PNPLA8: variants seen among roughly 807,000 people sequenced by gnomAD.
The protein encoded by PNPLA8 is patatin like domain 8, phospholipase A2.
PNPLA8 carries 39 observed loss-of-function variants against 76.9 expected under a neutral mutation model. The ratio of observed to expected loss-of-function variants is 0.51; its 90% CI spans 0.39 to 0.66. The LOEUF is 0.66. Among genes scored for constraint, PNPLA8 ranks in the 30% least tolerant of loss-of-function variants. The probability of loss-of-function intolerance (pLI) is 0.00; values close to 1 mark genes in which losing one functional copy is unlikely to be tolerated. For missense variants in PNPLA8, 887 were observed against 918.0 expected (o/e 0.97, Z 0.44); for synonymous variants, 301 against 307.9 (o/e 0.98, Z 0.24).
At chr7:108,479,077 C>T (rs563427414) in intron 10 of PNPLA8, 107 bp downstream of exon 10, 2 of 702,978 alleles carry the variant, frequency 2.8e-6, no homozygotes, top group African/African-American at 1.8e-5. Flanking sequence ...CCTAAATCCA[C>T]AATACAGACA....
At chr7:108,507,827 T>C (rs1862572006) in intron 4 of PNPLA8, among the ~76,000 whole-genome samples, 2 of 151,452 alleles carry the variant, frequency 1.3e-5, no homozygotes, top group African/African-American at 2.4e-5. Context: ...TTATCCACCA[T>C]GATCAAGTGG....
At chr7:108,511,853 T>C (rs1862957770) in intron 4 of PNPLA8, among the ~76,000 whole-genome samples, 1 of 152,200 alleles carries the variant, frequency 6.6e-6, no homozygotes, top group Admixed American at 6.5e-5. Flanking sequence ...TGAGTTTATT[T>C]TGGTATATAT....
chr7:108,496,399 A>G (rs895180127), intron 7 of PNPLA8, 185 bp downstream of exon 7: 1 of 439,984 alleles, frequency 2.3e-6, no homozygotes. Flanking sequence ...CAAAACAATT[A>G]CTAAACTATG....
At chr7:108,506,273 G>T (rs1348798051) in intron 4 of PNPLA8, among the ~76,000 whole-genome samples, 2 of 152,126 alleles carry the variant, frequency 1.3e-5, no homozygotes, top group African/African-American at 4.8e-5. Context: ...AGCTACTCGG[G>T]AGGCTGAGGC....
chr7:108,477,000 G>A (rs1860045685), intron 10 of PNPLA8, among the ~76,000 whole-genome samples: 1 of 152,208 alleles, frequency 6.6e-6, no homozygotes, highest in African/African-American at 2.4e-5. Context: ...GAAATGGAGA[G>A]ATGTTGGTCA....
intron 6 of PNPLA8, 90 bp downstream of exon 6, chr7:108,497,393 G>T: frequency 1.2e-6 from 1 of 853,960 alleles, no homozygotes; most frequent in Non-Finnish European, 1.8e-6. Context: ...GCTGAAGAAG[G>T]CAAAGGACTA....
chr7:108,526,170 G>A (rs1194492240), upstream of PNPLA8: 10 of 789,856 alleles, frequency 1.3e-5, no homozygotes, highest in Non-Finnish European at 1.5e-5. Context: ...ACTCAGCCCC[G>A]CCCCGCTCCG....
rs770314806 is a variant in PNPLA8, at chr7:108,515,425, TCC to T, written c.65_66del (p.Gly22GlufsTer14). 1.7e-5 allele frequency: 27 copies of T among 1,609,098 alleles called. 1 individual carries two copies. Among genetic ancestry groups the T allele is most frequent in the Non-Finnish European group, 2.2e-5 (26 of 1,177,960 alleles). On this transcript the variant is annotated frameshift_variant, in exon 3 of 11. Transcript: ENST00000257694. LOFTEE classifies it high-confidence loss of function. Reference sequence around the variant, plus strand: ...AAATACAGTTGCTTGCTTCTCTGCTTCCCACAAACACTTCTTGCATTACTAAG... The same window carrying T: ...AAATACAGTTGCTTGCTTCTCTGCTTCACAAACACTTCTTGCATTACTAAG... The part of the protein sequence containing the change: ...YLLSNARSVC[G>X]KQRSKQLYFL...
At chr7:108,488,106 C>G (rs985169381) in intron 8 of PNPLA8, among the ~76,000 whole-genome samples, 153 bp from the exon 9 acceptor site, 1 of 152,014 alleles carries the variant, frequency 6.6e-6, no homozygotes, top group Non-Finnish European at 1.5e-5. Context: ...TCTTTTTAAA[C>G]AGGCATTTCT....
intron 9 of PNPLA8, among the ~76,000 whole-genome samples, chr7:108,486,434 A>G (rs1210366356): frequency 6.6e-6 from 1 of 152,130 alleles, no homozygotes; most frequent in Non-Finnish European, 1.5e-5. Context: ...AAGTCCTGAA[A>G]TCAGTATCAG....
upstream of PNPLA8, among the ~76,000 whole-genome samples, chr7:108,527,135 A>G (rs965081994): frequency 6.6e-6 from 1 of 152,212 alleles, no homozygotes. Flanking sequence ...ATCAAGACTT[A>G]TACTGTACTC....
At chr7:108,502,046 T>C (rs1471299544) in intron 5 of PNPLA8, among the ~76,000 whole-genome samples, 1 of 152,142 alleles carries the variant, frequency 6.6e-6, no homozygotes, top group East Asian at 1.9e-4. Flanking sequence ...TAATAAAGTA[T>C]TAATTAAAAC....
rs59607592 is a variant in PNPLA8, at chr7:108,525,361, T to C, written c.-130+668A>G. ...TTGAAAACAGTATTTTAAGCAGGAT[T>C]ATATGATAGTCCCTTATGTCACAAC... On this transcript the variant is annotated intron_variant, in intron 1 of 10. Transcript: ENST00000257694. 7.3e-3 allele frequency among the ~76,000 whole-genome samples: 1,110 copies of C among 152,346 alleles called. 9 individuals are homozygous for C. The highest frequency in any genetic ancestry group is 0.026 in the African/African-American group (1,070 of 41,572).
chr7:108,527,768 T>C (rs1864143207), upstream of PNPLA8: 1 of 152,090 alleles, frequency 6.6e-6, no homozygotes, highest in South Asian at 2.1e-4. Context: ...TAGGAGATAC[T>C]CTCTAAACTG....
upstream of PNPLA8, among the ~76,000 whole-genome samples, chr7:108,526,868 T>A: frequency 6.6e-6 from 1 of 152,336 alleles, no homozygotes; most frequent in East Asian, 1.9e-4. Context: ...TAAAAATGGG[T>A]TTCACATTTT....
intron 5 of PNPLA8, among the ~76,000 whole-genome samples, chr7:108,501,461 A>ATAGC (rs1170155828): frequency 5.9e-5 from 9 of 152,364 alleles, no homozygotes; most frequent in African/African-American, 2.2e-4. Context: ...GGAAGTTAAT[A>ATAGC]TAGCCTCATT....
chr7:108,518,852 G>C (rs1191204709), intron 2 of PNPLA8, among the ~76,000 whole-genome samples: 1 of 150,892 alleles, frequency 6.6e-6, no homozygotes, highest in African/African-American at 2.4e-5. Context: ...TACACATATT[G>C]ATTCTGAAAG....
At chr7:108,498,568 C>T (rs915482238) in intron 5 of PNPLA8, among the ~76,000 whole-genome samples, 7 of 151,930 alleles carry the variant, frequency 4.6e-5, no homozygotes, top group African/African-American at 1.7e-4. Flanking sequence ...CCACTGCACC[C>T]GGCCACCAGT....
chr7:108,513,184 T>C (rs1863061225), intron 4 of PNPLA8, among the ~76,000 whole-genome samples: 1 of 152,206 alleles, frequency 6.6e-6, no homozygotes, highest in South Asian at 2.1e-4. Context: ...TGTAATTCTA[T>C]TTAAGATCTT....
Sources: allele counts gnomAD v4.1 joint callset (sites outside exome capture counted in the v4.1 genomes callset), GRCh38; gene constraint gnomAD v4.1.1; transcripts MANE v1.5; gene names NCBI Gene and HGNC (gene_info 2026-07-23, HGNC 2026-07-21).